ODF2L: variants seen among roughly 807,000 people sequenced by gnomAD.
ODF2L encodes protein BCAP.
Under a neutral mutation model 86.3 loss-of-function variants are expected in ODF2L, and 76 were observed. The observed-to-expected ratio is 0.88, with a 90% CI of 0.73 to 1.07. ODF2L has a LOEUF of 1.07. Ranked by LOEUF, ODF2L falls within the 50% of genes least tolerant of loss-of-function variation. ODF2L has a pLI of 0.00. For missense variants in ODF2L, 748 were observed against 717.4 expected, an observed-to-expected ratio of 1.04 and a Z score of -0.49; for synonymous variants, 241 against 231.3, an observed-to-expected ratio of 1.04 and a Z score of -0.38.
intron 1 of ODF2L, among the ~76,000 whole-genome samples, chr1:86,393,097 G>A (rs1661444786): frequency 6.6e-6 from 1 of 152,182 alleles, no homozygotes; most frequent in African/African-American, 2.4e-5. Context: ...CATGGTCCAT[G>A]ACCTTCCTTA....
downstream of ODF2L, chr1:86,347,630 C>G (rs1657878202): frequency 1.3e-5 from 2 of 152,116 alleles, no homozygotes; most frequent in Non-Finnish European, 1.5e-5. Context: ...CAGAGGGGAC[C>G]AGGCCCCCAT....
chr1:86,393,224 T>C (rs1341500338), intron 1 of ODF2L, among the ~76,000 whole-genome samples: 1 of 152,236 alleles, frequency 6.6e-6, no homozygotes, highest in Non-Finnish European at 1.5e-5. Flanking sequence ...AAACACAAAT[T>C]CTTAGAAAAC....
chr1:86,348,239 C>T (rs1657904686), downstream of ODF2L: 1 of 152,028 alleles, frequency 6.6e-6, no homozygotes, highest in East Asian at 1.9e-4. Context: ...ATTATAATGG[C>T]AACTCAGCAT....
intron 7 of ODF2L, among the ~76,000 whole-genome samples, chr1:86,376,635 G>C (rs1262882771): frequency 6.6e-6 from 1 of 152,106 alleles, no homozygotes; most frequent in African/African-American, 2.4e-5. Context: ...TACAATCATT[G>C]TAGAAGGCAG....
chr1:86,391,891 T>A (rs1283603697), intron 1 of ODF2L, among the ~76,000 whole-genome samples: 1 of 152,168 alleles, frequency 6.6e-6, no homozygotes, highest in East Asian at 1.9e-4. Flanking sequence ...GCAAAAGGAA[T>A]AGTCAGCAGA....
chr1:86,372,678 T>C, intron 8 of ODF2L, 138 bp from the exon 9 acceptor site: 1 of 493,606 alleles, frequency 2.0e-6, no homozygotes, highest in South Asian at 4.4e-5. Context: ...AAACTATACA[T>C]GCATGTTTAT....
intron 2 of ODF2L, chr1:86,386,680 G>A (rs1442436436): frequency 1.5e-5 from 6 of 392,032 alleles, no homozygotes; most frequent in Non-Finnish European, 2.2e-5. Flanking sequence ...GATCCATTGC[G>A]CCCGGCCAGG....
At chr1:86,379,795 T>C (rs924861641) in intron 7 of ODF2L, among the ~76,000 whole-genome samples, 33 of 152,206 alleles carry the variant, frequency 2.2e-4, no homozygotes, top group South Asian at 4.1e-4. Context: ...TTTAGATAAA[T>C]TAATGACTAT....
intron 11 of ODF2L, among the ~76,000 whole-genome samples, chr1:86,361,846 C>G (rs1659056755): frequency 1.3e-5 from 2 of 152,124 alleles, no homozygotes; most frequent in African/African-American, 4.8e-5. Context: ...TAAAATGCTG[C>G]AGGCACTGAA....
chr1:86,352,995 T>C lies in ODF2L; in HGVS notation c.1768-11A>G, dbSNP rs370441601. 2.4e-5 allele frequency: 36 copies of C among 1,479,638 alleles called. No individual in the cohort carries two copies. The African/African-American group carries it at 4.2e-4, about 17-fold the overall frequency. 91.7% of individuals were successfully genotyped at this position (1,479,638 alleles called of 1,614,324 possible). On this transcript the variant is annotated splice_polypyrimidine_tract_variant and intron_variant, in intron 16 of 17. Coordinates refer to ENST00000317336, the Ensembl canonical transcript of ODF2L. ...TATTTCTTCAGCAACCTGTAATTTT[T>C]ATCAAAAGAGTAAAATAAAGTGCTT...
chr1:86,364,847 G>C (rs1182102), intron 11 of ODF2L, among the ~76,000 whole-genome samples: 1 of 151,888 alleles, frequency 6.6e-6, no homozygotes, highest in Admixed American at 6.6e-5. Context: ...CTTCTTCTAC[G>C]TAATAAACAT....
chr1:86,390,588 A>G (rs1190498067), intron 1 of ODF2L, among the ~76,000 whole-genome samples: 1 of 152,176 alleles, frequency 6.6e-6, no homozygotes, highest in African/African-American at 2.4e-5. Flanking sequence ...AAATCACACA[A>G]TCATCTCAAT....
chr1:86,353,812 C>G (rs1489031456), intron 16 of ODF2L, among the ~76,000 whole-genome samples: 1 of 152,160 alleles, frequency 6.6e-6, no homozygotes, highest in East Asian at 1.9e-4. Context: ...ACGCCCTTGG[C>G]GCCGTCCCCT....
chr1:86,385,752 A>C, intron 2 of ODF2L, 162 bp from the exon 3 acceptor site: 1 of 483,382 alleles, frequency 2.1e-6, no homozygotes, highest in Non-Finnish European at 3.7e-6. Flanking sequence ...AATTTTAAGA[A>C]TACTTTATTT....
At chr1:86,378,508 C>T (rs562037137) in intron 7 of ODF2L, among the ~76,000 whole-genome samples, 30 of 152,292 alleles carry the variant, frequency 2.0e-4, no homozygotes, top group Admixed American at 7.2e-4. Context: ...TCCATTCTCA[C>T]GCTGCTATAA....
intron 1 of ODF2L, among the ~76,000 whole-genome samples, chr1:86,389,260 T>C (rs952828068): frequency 1.3e-5 from 2 of 152,216 alleles, no homozygotes; most frequent in African/African-American, 4.8e-5. Context: ...TTGTCAGTGT[T>C]GGGTGCAACA....
chr1:86,374,743 AC>A (rs773170793), intron 8 of ODF2L, among the ~76,000 whole-genome samples: 50 of 152,344 alleles, frequency 3.3e-4, no homozygotes, highest in Non-Finnish European at 6.6e-4. Flanking sequence ...CCTTCTAATT[AC>A]CAAAGACCAC....
chr1:86,355,203 G>A, intron 14 of ODF2L: 1 of 603,744 alleles, frequency 1.7e-6, no homozygotes. Context: ...CCTATTTTTG[G>A]ATACCTAGGG....
rs368247431 is a variant in ODF2L, at chr1:86,371,065, T to C, written c.1009A>G (p.Ile337Val). Reference sequence around the variant, plus strand: ...TTCAGAGTTTCATTTTCATATTCAATTGAGTGAACTTTTCTAAGAATTTCT... The same window carrying C: ...TTCAGAGTTTCATTTTCATATTCAACTGAGTGAACTTTTCTAAGAATTTCT... Residue 337 changes from isoleucine to valine, a missense_variant, in exon 10 of 18, where the codon ATT (isoleucine) becomes GTT (valine). Physicochemically the swap from Ile to Val is conservative, Grantham distance 29 (BLOSUM62 3). Transcript: ENST00000317336. 7 of 1,567,974 alleles carry C rather than the reference T, an allele frequency of 4.5e-6. No individual in the cohort carries two copies. In the East Asian group the frequency reaches 9.0e-5, roughly 20 times the overall value.
Sources: allele counts gnomAD v4.1 joint callset (sites outside exome capture counted in the v4.1 genomes callset), GRCh38; gene constraint gnomAD v4.1.1; transcripts MANE v1.5; gene names NCBI Gene and HGNC (gene_info 2026-07-23, HGNC 2026-07-21).